NCKAP5: variants seen among roughly 807,000 people sequenced by gnomAD.
NCKAP5 encodes nck-associated protein 5.
A neutral mutation model predicts 167.0 loss-of-function variants in NCKAP5; 92 were observed. The ratio of observed to expected loss-of-function variants is 0.55; its 90% CI spans 0.47 to 0.66. The LOEUF is 0.66. Ranked by LOEUF, NCKAP5 falls within the 30% of genes least tolerant of loss-of-function variation. The pLI is 0.00. For synonymous variants in NCKAP5, 891 were observed against 877.4 expected (o/e 1.02, Z -0.27); for missense variants, 2,378 against 2,315.0 (o/e 1.03, Z -0.56).
intron 19 of NCKAP5, among the ~76,000 whole-genome samples, chr2:132,711,177 T>C (rs1467586754): frequency 6.6e-6 from 1 of 152,190 alleles, no homozygotes; most frequent in Non-Finnish European, 1.5e-5. Flanking sequence ...CAGGAAATCC[T>C]AGAATATGGA....
intron 3 of NCKAP5, among the ~76,000 whole-genome samples, chr2:133,479,132 A>T (rs984357104): frequency 2.6e-5 from 4 of 152,198 alleles, no homozygotes; most frequent in African/African-American, 4.8e-5. Flanking sequence ...TTGTATGAAC[A>T]ATCAGCAAGT....
chr2:133,378,054 C>T (rs533773402), intron 3 of NCKAP5, among the ~76,000 whole-genome samples: 3 of 152,032 alleles, frequency 2.0e-5, no homozygotes, highest in Non-Finnish European at 4.4e-5. Flanking sequence ...AGACAATCCC[C>T]ATAAAAAGAT....
At chr2:133,644,001 C>T in the NCKAP5 span, among the ~76,000 whole-genome samples, 1 of 152,162 alleles carries the variant, frequency 6.6e-6, no homozygotes, top group Non-Finnish European at 1.5e-5. Context: ...TTCTGACATG[C>T]CCCTGTCACT....
intron 19 of NCKAP5, among the ~76,000 whole-genome samples, chr2:132,703,178 C>T (rs116037521): frequency 0.024 from 3,593 of 152,144 alleles, 58 homozygotes; most frequent in South Asian, 0.047. Context: ...GAGACCCTGT[C>T]TCTAAAAGAT....
intron 5 of NCKAP5, among the ~76,000 whole-genome samples, chr2:133,156,651 G>A (rs188014971): frequency 1.3e-5 from 2 of 152,026 alleles, no homozygotes; most frequent in Admixed American, 6.6e-5. Flanking sequence ...ATTCCTTCCC[G>A]TTTCCACAAC....
chr2:133,265,216 A>T (rs561027154), intron 4 of NCKAP5: 1 of 152,352 alleles, frequency 6.6e-6, no homozygotes, highest in Non-Finnish European at 1.5e-5. Context: ...ATAAAAAGGG[A>T]AGTGGTAGCG....
At chr2:133,494,793 TA>T (rs1681791479) in intron 3 of NCKAP5, among the ~76,000 whole-genome samples, 1 of 152,260 alleles carries the variant, frequency 6.6e-6, no homozygotes, top group Non-Finnish European at 1.5e-5. Flanking sequence ...CAAAAGAAAT[TA>T]TTTTACCCCA....
intron 16 of NCKAP5, among the ~76,000 whole-genome samples, chr2:132,736,241 G>A (rs368335248): frequency 2.0e-5 from 3 of 152,322 alleles, no homozygotes; most frequent in South Asian, 4.1e-4. Context: ...GGAAATGGAA[G>A]TTTATATTGA....
the NCKAP5 span, among the ~76,000 whole-genome samples, chr2:133,633,601 G>A: frequency 6.6e-6 from 1 of 152,170 alleles, no homozygotes; most frequent in Non-Finnish European, 1.5e-5. Flanking sequence ...TCATGAAGCG[G>A]TTAACAAATG....
intron 4 of NCKAP5, among the ~76,000 whole-genome samples, chr2:133,233,226 G>C (rs537389823): frequency 6.6e-6 from 1 of 152,116 alleles, no homozygotes; most frequent in Non-Finnish European, 1.5e-5. Context: ...ATTACGTATA[G>C]GTCAATATGA....
chr2:133,003,674 T>C (rs534434912), intron 6 of NCKAP5, among the ~76,000 whole-genome samples: 2 of 152,316 alleles, frequency 1.3e-5, no homozygotes, highest in African/African-American at 2.4e-5. Context: ...GACTGGAGTT[T>C]CTTACTTCTT....
chr2:133,121,006 AAG>A (rs1482408198), intron 6 of NCKAP5, among the ~76,000 whole-genome samples: 10 of 152,108 alleles, frequency 6.6e-5, no homozygotes, highest in Admixed American at 5.9e-4. Context: ...GTGATTGTAT[AAG>A]AGAGGAACAG....
the NCKAP5 span, among the ~76,000 whole-genome samples, chr2:133,612,787 T>C: frequency 6.6e-6 from 1 of 152,234 alleles, no homozygotes; most frequent in African/African-American, 2.4e-5. Flanking sequence ...TACTAAGAAC[T>C]ACTTTTGCTT....
At chr2:133,251,104 T>A (rs1397015867) in intron 4 of NCKAP5, among the ~76,000 whole-genome samples, 1 of 151,070 alleles carries the variant, frequency 6.6e-6, no homozygotes, top group African/African-American at 2.4e-5. Context: ...ATAACAGTAA[T>A]AAGAAAACAC....
upstream of NCKAP5, among the ~76,000 whole-genome samples, chr2:133,569,849 G>A (rs1312452845): frequency 6.6e-6 from 1 of 152,162 alleles, no homozygotes; most frequent in Non-Finnish European, 1.5e-5. Context: ...TGTCACTGAT[G>A]GGTCTTCAAT....
chr2:133,526,782 T>C (rs910891409), intron 2 of NCKAP5, among the ~76,000 whole-genome samples: 1 of 152,150 alleles, frequency 6.6e-6, no homozygotes, highest in Non-Finnish European at 1.5e-5. Context: ...ACATAAAACG[T>C]CTACATGTTG....
At chr2:132,794,273 G>T (rs1441340365) in intron 12 of NCKAP5, among the ~76,000 whole-genome samples, 100 of 84,404 alleles carry the variant, frequency 1.2e-3, no homozygotes, top group South Asian at 1.6e-3. Flanking sequence ...TAGAGAGAGA[G>T]AGAGAGAGAG....
chr2:133,374,470 A>C (rs1686007032), intron 3 of NCKAP5, among the ~76,000 whole-genome samples: 2 of 152,190 alleles, frequency 1.3e-5, no homozygotes, highest in African/African-American at 4.8e-5. Context: ...CCCTAATGTA[A>C]CTGTGACCTT....
At chr2:133,292,201 C>T (rs1679648545) in intron 4 of NCKAP5, among the ~76,000 whole-genome samples, 1 of 151,680 alleles carries the variant, frequency 6.6e-6, no homozygotes, top group Non-Finnish European at 1.5e-5. Context: ...AAAAATAAGT[C>T]ATAAGTATGC....
Sources: allele counts gnomAD v4.1 joint callset (sites outside exome capture counted in the v4.1 genomes callset), GRCh38; gene constraint gnomAD v4.1.1; transcripts MANE v1.5; gene names NCBI Gene and HGNC (gene_info 2026-07-23, HGNC 2026-07-21).